The following EPHA6 variants were observed in gnomAD, a reference collection of about 807,000 sequenced individuals.
The protein encoded by EPHA6 is ephrin type-A receptor 6.
Under a neutral mutation model 112.0 loss-of-function variants are expected in EPHA6, and 50 were observed. The ratio of observed to expected loss-of-function variants is 0.45; its 90% CI spans 0.36 to 0.56. The LOEUF (loss-of-function observed/expected upper bound fraction) is 0.56. Among genes scored for constraint, EPHA6 ranks in the 20% least tolerant of loss-of-function variants. The pLI, the probability that EPHA6 is intolerant of heterozygous loss-of-function variation, is 0.00. For synonymous variants in EPHA6, 529 were observed against 490.7 expected (o/e 1.08, Z -1.03); for missense variants, 1,280 against 1,417.4 (o/e 0.90, Z 1.56).
Position 96,826,276 on chromosome 3 carries a change from A to G in EPHA6, c.385+11268A>G, listed in dbSNP as rs1266834252. On this transcript the variant is annotated intron_variant, in intron 1 of 17. Coordinates refer to ENST00000389672, the MANE Select transcript of EPHA6 (RefSeq NM_001080448.3). ...CTTTACTGAATTGGACATATTTTCA[A>G]AGTTTTGATACCTTAATTCTAAAAC... 2.6e-5 allele frequency among the ~76,000 whole-genome samples: 4 copies of G among 152,132 alleles called. No individual in the cohort carries two copies. The East Asian group carries it at 7.7e-4, about 29-fold the overall frequency.
intron 3 of EPHA6, among the ~76,000 whole-genome samples, chr3:97,116,341 T>C (rs1277379165): frequency 6.6e-6 from 1 of 151,728 alleles, no homozygotes; most frequent in Non-Finnish European, 1.5e-5. Flanking sequence ...CTTCACATAG[T>C]TATATCTGTG....
chr3:97,427,223 A>C (rs181856187), intron 6 of EPHA6, among the ~76,000 whole-genome samples: 61 of 152,356 alleles, frequency 4.0e-4, no homozygotes, highest in African/African-American at 7.7e-4. Context: ...TCATTCTACT[A>C]TAAAGACACA....
At chr3:97,392,291 C>T (rs1274392917) in intron 5 of EPHA6, among the ~76,000 whole-genome samples, 2 of 151,644 alleles carry the variant, frequency 1.3e-5, no homozygotes, top group African/African-American at 4.8e-5. Flanking sequence ...AATACAATTA[C>T]TTGTTAAGGT....
At chr3:96,996,469 T>C (rs1309844849) in intron 3 of EPHA6, among the ~76,000 whole-genome samples, 1 of 152,090 alleles carries the variant, frequency 6.6e-6, no homozygotes, top group Non-Finnish European at 1.5e-5. Flanking sequence ...TTAGAAAATA[T>C]ATTTCTTAAG....
intron 2 of EPHA6, among the ~76,000 whole-genome samples, chr3:96,967,240 A>G (rs1356536851): frequency 6.7e-6 from 1 of 149,886 alleles, no homozygotes; most frequent in Non-Finnish European, 1.5e-5. Flanking sequence ...ATAAGAAATT[A>G]TTATATAATT....
intron 2 of EPHA6, among the ~76,000 whole-genome samples, chr3:96,978,224 C>T (rs1359993246): frequency 6.6e-6 from 1 of 151,994 alleles, no homozygotes; most frequent in Non-Finnish European, 1.5e-5. Context: ...TGGAACTGGA[C>T]GATCATGAAG....
intron 13 of EPHA6, among the ~76,000 whole-genome samples, chr3:97,634,626 G>T (rs2093930678): frequency 6.6e-6 from 1 of 152,046 alleles, no homozygotes; most frequent in Non-Finnish European, 1.5e-5. Flanking sequence ...GAATGCTCTT[G>T]GCTAAAGAAA....
intron 3 of EPHA6, among the ~76,000 whole-genome samples, chr3:97,220,581 G>A (rs1429933019): frequency 6.6e-6 from 1 of 152,188 alleles, no homozygotes; most frequent in Non-Finnish European, 1.5e-5. Context: ...AAGGAGAATT[G>A]CCTAGAGAAG....
At chr3:97,008,517 T>A (rs1275206088) in intron 3 of EPHA6, among the ~76,000 whole-genome samples, 1 of 152,222 alleles carries the variant, frequency 6.6e-6, no homozygotes, top group East Asian at 1.9e-4. Flanking sequence ...CTCTAACCTT[T>A]TATCAAGGTT....
chr3:97,234,576 T>C (rs976564206), intron 4 of EPHA6, among the ~76,000 whole-genome samples: 8 of 152,136 alleles, frequency 5.3e-5, no homozygotes, highest in African/African-American at 1.9e-4. Context: ...ACTTATCCTG[T>C]TGATCATTCT....
At chr3:97,619,063 C>A (rs1474075387) in intron 13 of EPHA6, among the ~76,000 whole-genome samples, 1 of 152,074 alleles carries the variant, frequency 6.6e-6, no homozygotes, top group African/African-American at 2.4e-5. Flanking sequence ...GCTTATCCAC[C>A]ATGATCAAGT....
chr3:97,059,808 G>A (rs1359850416), intron 3 of EPHA6, among the ~76,000 whole-genome samples: 1 of 151,574 alleles, frequency 6.6e-6, no homozygotes, highest in Non-Finnish European at 1.5e-5. Flanking sequence ...AATGTGTTGA[G>A]CATATCCATA....
chr3:97,679,200 G>C (rs1266419012), intron 14 of EPHA6, among the ~76,000 whole-genome samples: 1 of 152,026 alleles, frequency 6.6e-6, no homozygotes, highest in African/African-American at 2.4e-5. Context: ...AATGGAATTT[G>C]CCCAGGTTTT....
At chr3:97,100,918 T>A (rs2047384951) in intron 3 of EPHA6, among the ~76,000 whole-genome samples, 1 of 152,000 alleles carries the variant, frequency 6.6e-6, no homozygotes, top group Admixed American at 6.6e-5. Context: ...TAAATGAGAA[T>A]AAGATAAATG....
At chr3:97,060,084 G>T (rs1326050222) in intron 3 of EPHA6, among the ~76,000 whole-genome samples, 1 of 152,142 alleles carries the variant, frequency 6.6e-6, no homozygotes, top group Non-Finnish European at 1.5e-5. Context: ...TCACACCATT[G>T]CACTCAAGCC....
intron 2 of EPHA6, among the ~76,000 whole-genome samples, chr3:96,874,228 G>A (rs920233953): frequency 1.3e-5 from 2 of 152,100 alleles, no homozygotes; most frequent in African/African-American, 4.8e-5. Flanking sequence ...GAAAAGTACT[G>A]TAAAGATTAA....
intron 14 of EPHA6, among the ~76,000 whole-genome samples, chr3:97,675,006 A>G (rs930662833): frequency 6.6e-6 from 1 of 152,212 alleles, no homozygotes; most frequent in Non-Finnish European, 1.5e-5. Flanking sequence ...GCTCCCAAAC[A>G]GATGAAAATA....
intron 3 of EPHA6, among the ~76,000 whole-genome samples, chr3:97,150,250 G>A (rs1334124388): frequency 6.6e-6 from 1 of 151,992 alleles, no homozygotes; most frequent in African/African-American, 2.4e-5. Context: ...CCTAAGTCAG[G>A]CCATCTCTAT....
chr3:97,379,233 GA>G (rs2085566128), intron 5 of EPHA6, among the ~76,000 whole-genome samples: 1 of 152,018 alleles, frequency 6.6e-6, no homozygotes, highest in African/African-American at 2.4e-5. Context: ...TGATTCTGAG[GA>G]CTCCCCAGCC....
Sources: allele counts gnomAD v4.1 joint callset (sites outside exome capture counted in the v4.1 genomes callset), GRCh38; gene constraint gnomAD v4.1.1; transcripts MANE v1.5; gene names NCBI Gene and HGNC (gene_info 2026-07-23, HGNC 2026-07-21).